Variants in FRYL observed in about 807,000 individuals in gnomAD.
The protein encoded by FRYL is protein furry homolog-like.
Under a neutral mutation model 351.2 loss-of-function variants are expected in FRYL, and 150 were observed. The ratio of observed to expected loss-of-function variants is 0.43; its 90% CI spans 0.37 to 0.49. FRYL has a LOEUF of 0.49. FRYL is among the 20% of genes least tolerant of loss of function. The pLI is 0.00. For synonymous variants in FRYL, 1,153 were observed against 1,257.1 expected (o/e 0.92, Z 1.75); for missense variants, 3,036 against 3,619.3 (o/e 0.84, Z 4.13).
chr4:48,639,767 A>G lies in FRYL; in HGVS notation c.-80-5277T>C, dbSNP rs540881473. On this transcript the variant is annotated intron_variant, in intron 3 of 63. Transcript: ENST00000358350. ...AAAAATTGCAAAATACATACTTGAT[A>G]TAAGACTGGTATACAAAATACATAA... Among the ~76,000 whole-genome samples, 5 of 152,268 alleles carry G rather than the reference A, an allele frequency of 3.3e-5. No individual in the cohort carries two copies. The East Asian group carries it at 5.8e-4, about 18-fold the overall frequency.
intron 3 of FRYL, among the ~76,000 whole-genome samples, chr4:48,665,893 A>G (rs1290941738): frequency 6.6e-6 from 1 of 152,200 alleles, no homozygotes; most frequent in Non-Finnish European, 1.5e-5. Context: ...TGTCAGTAGT[A>G]AACTACATTT....
intron 44 of FRYL, among the ~76,000 whole-genome samples, chr4:48,543,193 C>T (rs548139090): frequency 1.3e-5 from 2 of 152,300 alleles, no homozygotes; most frequent in South Asian, 4.1e-4. Context: ...TTCAGTATCT[C>T]TTCAAAAATC....
intron 13 of FRYL, among the ~76,000 whole-genome samples, chr4:48,599,120 A>G (rs1480672316): frequency 6.6e-6 from 1 of 152,224 alleles, no homozygotes; most frequent in Non-Finnish European, 1.5e-5. Context: ...AATTTTTCTT[A>G]GAATTCTTCT....
chr4:48,736,277 T>C, intron 1 of FRYL, among the ~76,000 whole-genome samples: 1 of 151,474 alleles, frequency 6.6e-6, no homozygotes, highest in East Asian at 1.9e-4. Context: ...AAATCTAAAA[T>C]CAGTAATCTA....
At chr4:48,778,026 A>T (rs1776209977) in intron 1 of FRYL, among the ~76,000 whole-genome samples, 1 of 152,154 alleles carries the variant, frequency 6.6e-6, no homozygotes, top group African/African-American at 2.4e-5. Flanking sequence ...TGAGACCACC[A>T]TCTCTACAAA....
chr4:48,742,973 A>ATTTTTTTTTTTTTTTTT lies in FRYL; in HGVS notation c.-383-32292_-383-32276dup, dbSNP rs71191256. Among the ~76,000 whole-genome samples the ATTTTTTTTTTTTTTTTT allele has an allele frequency of 8.3e-4, 68 of 81,738 alleles. 9 individuals are homozygous for ATTTTTTTTTTTTTTTTT. The highest frequency in any genetic ancestry group is 1.3e-3 in the South Asian group (3 of 2,244). The allele number at this position is 81,738 out of a possible 152,430, so 53.6% of individuals were successfully genotyped here. ...AGGTGTGCGCCACCACGCCTGGATA[A>ATTTTTTTTTTTTTTTTT]TTTTTTTTTTTTTTTTTTTTTTTTT... On this transcript the variant is annotated intron_variant, in intron 1 of 63. Transcript: ENST00000358350.
chr4:48,567,463 TTA>T lies in FRYL; in HGVS notation c.2997-45_2997-44del. 7.0e-7 allele frequency: 1 copy of T among 1,438,696 alleles called. No individual in the cohort carries two copies. Among genetic ancestry groups the T allele is most frequent in the Non-Finnish European group, 9.4e-7 (1 of 1,069,452 alleles). 89.1% of individuals were successfully genotyped at this position (1,438,696 alleles called of 1,614,324 possible). A position where few individuals can be genotyped will look rare whatever the true frequency, so the allele number is the denominator to read the frequency against. On this transcript the variant is annotated intron_variant, in intron 27 of 63. Transcript: ENST00000358350. This position sits in a 1 kb window ranked among gnomAD's most constrained non-coding sequence, Gnocchi z 4.2. ...AACAAAAGATGAAGTAAATGGGACT[TTA>T]TGATTTAAATAAAAAATTCTTAATA... is the stretch of plus-strand genomic sequence containing the variant.
At chr4:48,561,687 A>G in intron 32 of FRYL, 51 bp from the exon 33 acceptor site, 7 of 1,374,672 alleles carry the variant, frequency 5.1e-6, no homozygotes, top group East Asian at 2.3e-5. Context: ...TGGGTTCTCT[A>G]AAGTTTAACT....
intron 7 of FRYL, chr4:48,618,205 T>C (rs1749943074): frequency 1.3e-5 from 2 of 152,222 alleles, no homozygotes; most frequent in African/African-American, 4.8e-5. Context: ...ATGAAATGCA[T>C]ATATTAAAGT....
At chr4:48,750,630 T>C (rs564744505) in intron 1 of FRYL, among the ~76,000 whole-genome samples, 5 of 152,168 alleles carry the variant, frequency 3.3e-5, no homozygotes, top group African/African-American at 7.2e-5. Context: ...AAGGAGCCTA[T>C]AGGATCTTCT....
chr4:48,654,774 A>G (rs1168292184), intron 3 of FRYL, among the ~76,000 whole-genome samples: 1 of 152,202 alleles, frequency 6.6e-6, no homozygotes, highest in African/African-American at 2.4e-5. Flanking sequence ...CTTCTATAGA[A>G]GCTGTTCTAC....
intron 2 of FRYL, among the ~76,000 whole-genome samples, chr4:48,686,615 G>A (rs549692942): frequency 6.6e-6 from 1 of 152,230 alleles, no homozygotes; most frequent in Admixed American, 6.5e-5. Flanking sequence ...CATCTTCTGG[G>A]ACAAATCACA....
chr4:48,584,886 T>C (rs1741766478), intron 19 of FRYL, among the ~76,000 whole-genome samples: 1 of 152,208 alleles, frequency 6.6e-6, no homozygotes. Flanking sequence ...GAGGAGAGAA[T>C]AGAATAGACC....
intron 4 of FRYL, among the ~76,000 whole-genome samples, chr4:48,625,597 C>T (rs1205726499): frequency 6.6e-6 from 1 of 152,054 alleles, no homozygotes; most frequent in Non-Finnish European, 1.5e-5. Flanking sequence ...ACAAGCAATC[C>T]AGAGATGATT....
intron 1 of FRYL, among the ~76,000 whole-genome samples, chr4:48,755,963 T>A (rs1466922416): frequency 6.7e-6 from 1 of 149,836 alleles, no homozygotes; most frequent in Non-Finnish European, 1.5e-5. Flanking sequence ...CCAGGTTTGG[T>A]GGCTTATGCC....
intron 1 of FRYL, among the ~76,000 whole-genome samples, chr4:48,715,269 C>CCAGGGCAATCAGG (rs1204755206): frequency 6.6e-6 from 1 of 151,494 alleles, no homozygotes; most frequent in East Asian, 1.9e-4. Flanking sequence ...GAAGTTCTGG[C>CCAGGGCAATCAGG]CAGGGCAATC....
intron 35 of FRYL, among the ~76,000 whole-genome samples, chr4:48,553,725 T>C (rs1733436305): frequency 6.6e-6 from 1 of 151,678 alleles, no homozygotes; most frequent in South Asian, 2.1e-4. Context: ...ACACAGGTAA[T>C]AACATCCTAA....
At position 48,634,365 on chromosome 4, in the gene FRYL, C is replaced by T. The variant is rs543245768; in HGVS notation, c.46G>A (p.Val16Ile). 4 of 1,613,562 alleles carry T rather than the reference C, an allele frequency of 2.5e-6. No individual in the cohort carries two copies. The African/African-American group carries it at 4.0e-5, about 16-fold the overall frequency. Residue 16 changes from valine to isoleucine, a missense_variant, in exon 4 of 64, where the codon GTC (valine) becomes ATC (isoleucine). Physicochemically the swap from Val to Ile is conservative, Grantham distance 29 (BLOSUM62 3). Coordinates refer to ENST00000358350, the MANE Select transcript of FRYL (RefSeq NM_015030.2). ...IDPDVKPGEY[V>I]IKSLFAEFAV... Reference sequence around the variant, plus strand: ...AATTCTGCAAAGAGGCTCTTGATGACATATTCACCAGGTTTGACATCTGGG... The same window carrying T: ...AATTCTGCAAAGAGGCTCTTGATGATATATTCACCAGGTTTGACATCTGGG...
intron 58 of FRYL, among the ~76,000 whole-genome samples, 157 bp downstream of exon 58, chr4:48,510,678 C>T (rs1193855259): frequency 6.6e-6 from 1 of 152,062 alleles, no homozygotes; most frequent in Non-Finnish European, 1.5e-5. Context: ...AGTTGCTGCA[C>T]CTAATATACT....
Sources: gnomAD v4.1 joint callset for allele counts (sites outside exome capture counted in the v4.1 genomes callset) on GRCh38, gnomAD v4.1.1 for gene constraint, Gnocchi (gnomAD v3.1) non-coding constraint, MANE v1.5 for transcripts, NCBI Gene and HGNC (gene_info 2026-07-23, HGNC 2026-07-21) for gene names.